Variants in HEBP1 observed in about 807,000 individuals in gnomAD.
HEBP1 encodes the protein heme binding protein 1.
Under a neutral mutation model 20.4 loss-of-function variants are expected in HEBP1, and 13 were observed. The observed-to-expected ratio is 0.64, with a 90% CI of 0.42 to 1.01. HEBP1 has a LOEUF of 1.01. Ranked by LOEUF, HEBP1 falls within the 50% of genes least tolerant of loss-of-function variation. HEBP1 has a pLI of 0.00. For synonymous variants in HEBP1, 92 were observed against 90.7 expected, an observed-to-expected ratio of 1.01 and a Z score of -0.08; for missense variants, 241 against 247.3, an observed-to-expected ratio of 0.97 and a Z score of 0.17.
chr12:13,000,186 G>A lies in HEBP1; in HGVS notation c.-72C>T. 5.4e-6 allele frequency: 5 copies of A among 931,712 alleles called. No individual in the cohort carries two copies. Among genetic ancestry groups the A allele is most frequent in the Admixed American group, 2.2e-5 (1 of 44,696 alleles). The allele number at this position is 931,712 out of a possible 1,614,324, so 57.7% of individuals were successfully genotyped here. A position where few individuals can be genotyped will look rare whatever the true frequency, so the allele number is the denominator to read the frequency against. On this transcript the variant is annotated 5_prime_UTR_variant, in exon 1 of 4. Coordinates refer to ENST00000014930, the MANE Select transcript of HEBP1 (RefSeq NM_015987.5). ...GGGGCGACGGAGCACCACGGGCAGC[G>A]ACCACCGGCGGCAGGGCGGCAGGGC...
At chr12:12,993,127 C>T (rs1310939231) in intron 1 of HEBP1, among the ~76,000 whole-genome samples, 1 of 95,910 alleles carries the variant, frequency 1.0e-5, no homozygotes, top group African/African-American at 4.1e-5. Flanking sequence ...TCGTTTCCCC[C>T]TCCCTCCCTC....
chr12:12,975,257 G>A lies in HEBP1; in HGVS notation c.*51C>T, dbSNP rs1476129275. ...GCACTGTCCCCTCCTTACCCCCGAG[G>A]AAGGAGACACAGAGGCACACTTCCA... On this transcript the variant is annotated 3_prime_UTR_variant, in exon 4 of 4. Coordinates refer to ENST00000014930, the MANE Select transcript of HEBP1 (RefSeq NM_015987.5). 3.2e-6 allele frequency: 5 copies of A among 1,560,134 alleles called. No homozygotes were observed. Among genetic ancestry groups the A allele is most frequent in the Non-Finnish European group, 4.4e-6 (5 of 1,136,344 alleles).
intron 1 of HEBP1, among the ~76,000 whole-genome samples, chr12:12,999,100 G>A (rs987075168): frequency 3.3e-5 from 5 of 152,204 alleles, no homozygotes; most frequent in South Asian, 2.1e-4. Flanking sequence ...TGCTCCCTGC[G>A]TAGCGCATTT....
chr12:12,978,199 GTTTTTTTTTTTTT>G (rs76634642), intron 3 of HEBP1, among the ~76,000 whole-genome samples: 4 of 75,088 alleles, frequency 5.3e-5, no homozygotes, highest in Admixed American at 3.2e-4. Flanking sequence ...CTACGAAAGG[GTTTTTTTTTTTTT>G]TTTTTTTTTT....
At chr12:12,975,561 C>G (rs1207611523) in intron 3 of HEBP1, 82 bp from the exon 4 acceptor site, 18 of 1,236,606 alleles carry the variant, frequency 1.5e-5, no homozygotes, top group African/African-American at 3.1e-5. Flanking sequence ...AGTCACTCAC[C>G]ATGTTTATTA....
chr12:12,997,290 A>G (rs1309461101), intron 1 of HEBP1, among the ~76,000 whole-genome samples: 1 of 152,202 alleles, frequency 6.6e-6, no homozygotes, highest in African/African-American at 2.4e-5. Context: ...GGAAACAGAA[A>G]CTACTAGAGT....
At chr12:12,991,785 C>G (rs1050348502) in intron 1 of HEBP1, among the ~76,000 whole-genome samples, 3 of 152,158 alleles carry the variant, frequency 2.0e-5, no homozygotes, top group Non-Finnish European at 2.9e-5. Flanking sequence ...GTTCCTTCCC[C>G]TATCCTGTTT....
At chr12:12,977,438 TGTG>T (rs1408287192) in intron 3 of HEBP1, 1 of 152,194 alleles carries the variant, frequency 6.6e-6, no homozygotes, top group African/African-American at 2.4e-5. Flanking sequence ...AGCTGAGTGT[TGTG>T]GTGCATGCCT....
At chr12:12,980,686 G>C (rs1864068765) in intron 3 of HEBP1, 1 of 151,796 alleles carries the variant, frequency 6.6e-6, no homozygotes, top group Non-Finnish European at 1.5e-5. Context: ...GGGGTGGGAG[G>C]CATGTTGGGT....
At chr12:12,983,058 G>C (rs1051847154) in intron 3 of HEBP1, among the ~76,000 whole-genome samples, 2 of 152,174 alleles carry the variant, frequency 1.3e-5, no homozygotes, top group African/African-American at 4.8e-5. Flanking sequence ...AACTGGGTTG[G>C]AGCATAGGTT....
At chr12:12,985,393 G>A (rs1010101341) in intron 3 of HEBP1, among the ~76,000 whole-genome samples, 9 of 152,114 alleles carry the variant, frequency 5.9e-5, no homozygotes, top group African/African-American at 4.8e-5. Context: ...TGAGCTGATC[G>A]TTGCTGTAGG....
chr12:12,990,597 T>A (rs1291353), intron 1 of HEBP1, among the ~76,000 whole-genome samples: 112,750 of 152,128 alleles, frequency 0.74, 45,548 homozygotes, highest in East Asian at 0.98. Flanking sequence ...GCCGAACTAA[T>A]TGTAGGAAGG....
At position 12,986,632 on chromosome 12, in the gene HEBP1, T is replaced by C. The variant is rs1055846572; in HGVS notation, c.398+520A>G. 2.6e-5 allele frequency: 4 copies of C among 152,412 alleles called. No homozygotes were observed. Among genetic ancestry groups the C allele is most frequent in the Non-Finnish European group, 5.9e-5 (4 of 68,238 alleles). The allele number at this position is 152,412 out of a possible 1,614,324, so 9.4% of individuals were successfully genotyped here. On this transcript the variant is annotated intron_variant, in intron 3 of 3. Coordinates refer to ENST00000014930, the MANE Select transcript of HEBP1 (RefSeq NM_015987.5). The surrounding 1 kb of genome is among the most constrained non-coding windows in gnomAD (Gnocchi z 4.3). ...ACAGTCAAGGGAAAATGACCCCACA[T>C]GAAGTCCTGGAAACAGGACCAGGAT...
chr12:12,996,375 C>A lies in HEBP1; in HGVS notation c.78+3662G>T, dbSNP rs1565495070. Among the ~76,000 whole-genome samples, 1 of 152,150 alleles carries A rather than the reference C, an allele frequency of 6.6e-6. No homozygotes were observed. Among genetic ancestry groups the A allele is most frequent in the East Asian group, 1.9e-4 (1 of 5,194 alleles). ...CTGCTGTGAGCATCCAAAGGCCCAC[C>A]CAATCCAACACAGAGAGCTGTCTAC... On this transcript the variant is annotated intron_variant, in intron 1 of 3. Coordinates refer to ENST00000014930, the MANE Select transcript of HEBP1 (RefSeq NM_015987.5). This position sits in a 1 kb window ranked among gnomAD's most constrained non-coding sequence, Gnocchi z 4.1.
rs539063173 is a variant in HEBP1, at chr12:13,000,104, A to G, written c.11T>C (p.Met4Thr). 1.9e-6 allele frequency: 3 copies of G among 1,610,424 alleles called. No homozygotes were observed. The highest frequency in any genetic ancestry group is 1.7e-5 in the Admixed American group (1 of 59,698). MLG[M>T]IKNSLFGSVE... ...GCTTCCGAACAGCGAGTTCTTGATC[A>G]TGCCCAACATGTTGTAGCCGAGACG... The change falls in exon 1 of 4, where the codon ATG becomes ACG. Residue 4 changes from methionine (M) to threonine (T), a missense_variant. Physicochemically the swap from Met to Thr is moderately conservative, Grantham distance 81. Coordinates refer to ENST00000014930, the MANE Select transcript of HEBP1 (RefSeq NM_015987.5).
intron 3 of HEBP1, 48 bp downstream of exon 3, chr12:12,987,104 A>C (rs1864161833): frequency 6.7e-7 from 1 of 1,502,218 alleles, no homozygotes; most frequent in African/African-American, 1.4e-5. Context: ...AAGGAGTGGT[A>C]CGGGAATCAA....
Position 12,986,052 on chromosome 12 carries a change from G to A in HEBP1, c.398+1100C>T, listed in dbSNP as rs904588599. 1 of 152,156 alleles carries A rather than the reference G, an allele frequency of 6.6e-6. No individual in the cohort carries two copies. The highest frequency in any genetic ancestry group is 2.4e-5 in the African/African-American group (1 of 41,428). The allele number at this position is 152,156 out of a possible 1,614,324, so 9.4% of individuals were successfully genotyped here. On this transcript the variant is annotated intron_variant, in intron 3 of 3. Transcript: ENST00000014930. The surrounding 1 kb of genome is among the most constrained non-coding windows in gnomAD (Gnocchi z 4.3). The stretch of plus-strand genomic sequence containing the variant: ...TGCTTCCTTAAATGCTGCACCCAAG[G>A]TGCATCTCCACCCTAGGAAAAGATA...
chr12:12,992,872 T>TA (rs1323700325), intron 1 of HEBP1, among the ~76,000 whole-genome samples: 1 of 152,116 alleles, frequency 6.6e-6, no homozygotes, highest in Non-Finnish European at 1.5e-5. Flanking sequence ...GTTTTAAAGT[T>TA]TACCTAATCT....
At chr12:12,990,418 T>A (rs1016015898) in intron 1 of HEBP1, among the ~76,000 whole-genome samples, 2 of 151,528 alleles carry the variant, frequency 1.3e-5, no homozygotes, top group Non-Finnish European at 2.9e-5. Flanking sequence ...GCTCAAGCAA[T>A]CCTCCTGTCT....
Sources: gnomAD v4.1 joint callset for allele counts (sites outside exome capture counted in the v4.1 genomes callset) on GRCh38, gnomAD v4.1.1 for gene constraint, Gnocchi (gnomAD v3.1) non-coding constraint, MANE v1.5 for transcripts, NCBI Gene and HGNC (gene_info 2026-07-23, HGNC 2026-07-21) for gene names.